Variants in DMRT1 observed in about 807,000 individuals in gnomAD.
DMRT1 encodes doublesex- and mab-3-related transcription factor 1.
In DMRT1, 7 loss-of-function variants were observed where a neutral mutation model predicts 32.3. That is an observed-to-expected ratio of 0.22 (90% CI 0.12 to 0.41). DMRT1 has a LOEUF of 0.41. Among genes scored for constraint, DMRT1 ranks in the 10% least tolerant of loss-of-function variants. DMRT1 has a pLI of 1.00. For synonymous variants in DMRT1, 278 were observed against 206.1 expected (o/e 1.35, Z -2.99); for missense variants, 625 against 500.5 (o/e 1.25, Z -2.37).
At chr9:964,483 T>C (rs987725902) in intron 4 of DMRT1, among the ~76,000 whole-genome samples, 25 of 152,180 alleles carry the variant, frequency 1.6e-4, no homozygotes, top group African/African-American at 6.0e-4. Flanking sequence ...CAAAAAAATA[T>C]CAGATGGGCA....
intron 4 of DMRT1, among the ~76,000 whole-genome samples, chr9:942,557 GC>G (rs1214029242): frequency 5.3e-5 from 8 of 152,322 alleles, no homozygotes; most frequent in Non-Finnish European, 1.2e-4. Context: ...ACAGGTGTGA[GC>G]CACTGTGCCT....
chr9:935,839 T>G (rs1302819184), intron 4 of DMRT1, among the ~76,000 whole-genome samples: 1 of 152,220 alleles, frequency 6.6e-6, no homozygotes, highest in Non-Finnish European at 1.5e-5. Context: ...CTCCAGGAAA[T>G]GGAGGCAGAT....
intron 2 of DMRT1, among the ~76,000 whole-genome samples, chr9:870,478 G>T (rs10977238): frequency 0.73 from 110,311 of 151,924 alleles, 40,566 homozygotes; most frequent in Non-Finnish European, 0.8. Context: ...TGATGAGTCC[G>T]TCCCGTGACA....
At chr9:955,670 C>T (rs953008594) in intron 4 of DMRT1, among the ~76,000 whole-genome samples, 1 of 152,216 alleles carries the variant, frequency 6.6e-6, no homozygotes, top group African/African-American at 2.4e-5. Flanking sequence ...AGTGCCACTG[C>T]ACTGTCGGGC....
intron 4 of DMRT1, among the ~76,000 whole-genome samples, chr9:948,903 AAATAAT>A (rs57959311): frequency 0.05 from 6,922 of 137,640 alleles, 219 homozygotes; most frequent in Non-Finnish European, 0.065. Context: ...TAAAAATACA[AAATAAT>A]AATAATAATA....
chr9:844,496 T>C (rs895389414), intron 1 of DMRT1, among the ~76,000 whole-genome samples: 3 of 141,836 alleles, frequency 2.1e-5, no homozygotes, highest in Non-Finnish European at 4.4e-5. Flanking sequence ...GCCAGATTCA[T>C]TGATGTTCTC....
intron 3 of DMRT1, among the ~76,000 whole-genome samples, chr9:911,204 C>T (rs772259422): frequency 6.6e-5 from 10 of 152,046 alleles, no homozygotes; most frequent in Non-Finnish European, 1.3e-4. Context: ...CTGACCTTGA[C>T]CACTAGATGC....
At chr9:921,267 G>A (rs1316379943) in intron 4 of DMRT1, among the ~76,000 whole-genome samples, 2 of 152,010 alleles carry the variant, frequency 1.3e-5, no homozygotes, top group Admixed American at 6.6e-5. Flanking sequence ...GTCTTGCTTC[G>A]CTTAGCTTAA....
chr9:871,657 G>T (rs895857787), intron 2 of DMRT1, among the ~76,000 whole-genome samples: 45 of 141,054 alleles, frequency 3.2e-4, no homozygotes, highest in African/African-American at 1.2e-3. Context: ...TGTATTTTTA[G>T]TAGAGACGGG....
At chr9:914,535 C>T (rs1031667838) in intron 3 of DMRT1, among the ~76,000 whole-genome samples, 2 of 130,704 alleles carry the variant, frequency 1.5e-5, no homozygotes, top group African/African-American at 5.8e-5. Flanking sequence ...TATCATGCCA[C>T]TGCAGTCCAG....
chr9:911,850 G>A (rs866330448), intron 3 of DMRT1, among the ~76,000 whole-genome samples: 26 of 152,062 alleles, frequency 1.7e-4, no homozygotes, highest in African/African-American at 6.3e-4. Context: ...GAAACACATA[G>A]AACTGTCCTT....
rs533475653 is a variant in DMRT1, at chr9:902,402, T to A, written c.822+8207T>A. Among the ~76,000 whole-genome samples, 5 of 151,916 alleles carry A rather than the reference T, an allele frequency of 3.3e-5. No homozygotes were observed. The South Asian group carries it at 1.1e-3, about 32-fold the overall frequency. On this transcript the variant is annotated intron_variant, in intron 3 of 4. Transcript: ENST00000382276. ...TCCTTGTGACAACAGTGAAGTTCTT[T>A]AGGGGCTTCAGTGTGCTCCCTTTAG...
intron 3 of DMRT1, among the ~76,000 whole-genome samples, chr9:907,871 A>G (rs1441049687): frequency 1.3e-5 from 2 of 149,726 alleles, no homozygotes; most frequent in Non-Finnish European, 2.9e-5. Context: ...TATGTATATA[A>G]CACACACTGA....
chr9:933,885 A>G (rs541897058), intron 4 of DMRT1, among the ~76,000 whole-genome samples: 3 of 152,188 alleles, frequency 2.0e-5, no homozygotes, highest in Non-Finnish European at 4.4e-5. Flanking sequence ...AACACCATTT[A>G]AAGGTCTTGA....
In DMRT1 at chr9:954,659, A is replaced by T. The variant is rs111691832; in HGVS notation, c.968-13326A>T. 6.4e-3 allele frequency among the ~76,000 whole-genome samples: 971 copies of T among 151,718 alleles called. 11 individuals are homozygous for T. The highest frequency in any genetic ancestry group is 0.022 in the African/African-American group (902 of 41,306). On this transcript the variant is annotated intron_variant, in intron 4 of 4. Transcript: ENST00000382276. Reference sequence around the variant, plus strand: ...TGGGCTTTATTTTATTATTATTATTATTTTTTAGAGTCTTGCTCTGTCGCC... The same window carrying T: ...TGGGCTTTATTTTATTATTATTATTTTTTTTTAGAGTCTTGCTCTGTCGCC...
At chr9:847,801 G>A (rs773553163) in intron 2 of DMRT1, among the ~76,000 whole-genome samples, 1 of 152,164 alleles carries the variant, frequency 6.6e-6, no homozygotes, top group South Asian at 2.1e-4. Context: ...TGTACTGTCC[G>A]ATATCGAAGC....
intron 4 of DMRT1, among the ~76,000 whole-genome samples, chr9:942,086 G>C (rs1264180774): frequency 2.0e-5 from 3 of 152,150 alleles, no homozygotes; most frequent in African/African-American, 7.2e-5. Context: ...CATTTTAAGT[G>C]ACATAGGTAT....
intron 2 of DMRT1, among the ~76,000 whole-genome samples, chr9:864,668 T>C (rs573977298): frequency 2.6e-5 from 4 of 151,812 alleles, no homozygotes; most frequent in African/African-American, 9.7e-5. Context: ...CTGGCTAATT[T>C]TTTTTGTATT....
chr9:878,604 T>C (rs1008423337), intron 2 of DMRT1, among the ~76,000 whole-genome samples: 13 of 152,106 alleles, frequency 8.5e-5, no homozygotes, highest in Non-Finnish European at 1.6e-4. Context: ...CAGCTGAGCT[T>C]GGGAAGCCTG....
Sources: gnomAD v4.1 joint callset for allele counts (sites outside exome capture counted in the v4.1 genomes callset) on GRCh38, gnomAD v4.1.1 for gene constraint, MANE v1.5 for transcripts, NCBI Gene and HGNC (gene_info 2026-07-23, HGNC 2026-07-21) for gene names.